Variants in SOS1 observed in about 807,000 individuals in gnomAD.
SOS1 encodes the protein SOS Ras/Rac guanine nucleotide exchange factor 1, also known as son of sevenless homolog 1.
A neutral mutation model predicts 157.6 loss-of-function variants in SOS1; 25 were observed. The observed-to-expected ratio is 0.16, with a 90% CI of 0.12 to 0.22. The LOEUF (loss-of-function observed/expected upper bound fraction) is 0.22, where lower values mean the gene tolerates loss of function less well. SOS1 is among the 10% of genes least tolerant of loss of function. SOS1 has a pLI of 1.00. For missense variants in SOS1, 1,237 were observed against 1,599.1 expected, an observed-to-expected ratio of 0.77 and a Z score of 3.86; for synonymous variants, 528 against 534.0, an observed-to-expected ratio of 0.99 and a Z score of 0.16.
At position 39,067,130 on chromosome 2, in the gene SOS1, CG is replaced by C. The variant is rs759252110; in HGVS notation, c.213+497del. Among the ~76,000 whole-genome samples, 33 of 152,256 alleles carry C rather than the reference CG, an allele frequency of 2.2e-4. 1 individual carries two copies. The South Asian group carries it at 6.8e-3, about 32-fold the overall frequency. ...GGCTCAAGTGATCCTCCTGACTCAG[CG>C]TCCTGAGTAGCTGGGACTACAGGCA... On this transcript the variant is annotated intron_variant, in intron 2 of 22. Transcript: ENST00000402219.
At position 39,013,955 on chromosome 2, in the gene SOS1, C is replaced by T. The variant is rs768647478; in HGVS notation, c.1975G>A (p.Asp659Asn). 6.2e-7 allele frequency: 1 copy of T among 1,606,120 alleles called. No individual in the cohort carries two copies. The highest frequency in any genetic ancestry group is 8.5e-7 in the Non-Finnish European group (1 of 1,173,474). ...TCTCCATTCTCTATAGCTATGCGATCAGCTTCTGTTGGCTCAGGCTCTGGA... is the reference window on the plus strand; with the variant it reads ...TCTCCATTCTCTATAGCTATGCGATTAGCTTCTGTTGGCTCAGGCTCTGGA... Reference protein sequence around the residue: ...EIPEPEPTEADRIAIENGDQP... With the variant: ...EIPEPEPTEANRIAIENGDQP... Residue 659 changes from aspartate (D) to asparagine (N), a missense_variant, in exon 12 of 23, where the codon GAT (aspartate) becomes AAT (asparagine). Around this residue, in one of 15 missense-constraint regions of SOS1, gnomAD observed 55 missense variants for 43.1 expected, o/e 1.27. Coordinates refer to ENST00000402219, the MANE Select transcript of SOS1 (RefSeq NM_005633.4).
At chr2:39,060,339 GCA>G (rs1671356944) in intron 2 of SOS1, among the ~76,000 whole-genome samples, 1 of 152,092 alleles carries the variant, frequency 6.6e-6, no homozygotes, top group South Asian at 2.1e-4. Flanking sequence ...CTTACATACT[GCA>G]CACATACTCA....
intron 6 of SOS1, among the ~76,000 whole-genome samples, chr2:39,050,805 C>CACAAGTAATCTGACCTCAGGT (rs1670986788): frequency 1.3e-5 from 2 of 152,172 alleles, no homozygotes; most frequent in Non-Finnish European, 2.9e-5. Flanking sequence ...TAGACTGGAA[C>CACAAGTAATCTGACCTCAGGT]ACAAGTAATC....
chr2:39,095,035 G>A (rs1672721530), intron 1 of SOS1, among the ~76,000 whole-genome samples: 1 of 152,140 alleles, frequency 6.6e-6, no homozygotes, highest in African/African-American at 2.4e-5. Flanking sequence ...GGTGTCCTCA[G>A]TCTCCAGTTC....
chr2:39,092,448 T>A (rs1026585477), intron 1 of SOS1, among the ~76,000 whole-genome samples: 12 of 152,250 alleles, frequency 7.9e-5, no homozygotes, highest in Non-Finnish European at 4.4e-5. Flanking sequence ...GAGGCTGTCC[T>A]CGACCATTAT....
At chr2:39,115,932 CT>C (rs1673633951) in intron 1 of SOS1, among the ~76,000 whole-genome samples, 2 of 152,116 alleles carry the variant, frequency 1.3e-5, no homozygotes, top group African/African-American at 4.8e-5. Context: ...AGTTCCAAAT[CT>C]GCTTCATCAG....
intron 2 of SOS1, among the ~76,000 whole-genome samples, chr2:39,063,396 T>A (rs1036899693): frequency 6.6e-6 from 1 of 152,226 alleles, no homozygotes; most frequent in African/African-American, 2.4e-5. Context: ...TATAAGGGAC[T>A]TAAGCATCCA....
chr2:39,061,167 GT>G (rs1363604834), intron 2 of SOS1, among the ~76,000 whole-genome samples: 6 of 150,484 alleles, frequency 4.0e-5, no homozygotes, highest in Admixed American at 6.6e-5. Context: ...ACTTACAAGG[GT>G]ATTAATGAAA....
intron 1 of SOS1, among the ~76,000 whole-genome samples, chr2:39,107,107 G>GT (rs1558516738): frequency 2.6e-5 from 4 of 151,736 alleles, no homozygotes; most frequent in African/African-American, 9.7e-5. Flanking sequence ...AAATACAGGG[G>GT]TTTTTTGGGA....
intron 6 of SOS1, among the ~76,000 whole-genome samples, chr2:39,042,070 A>G (rs1410488826): frequency 6.6e-6 from 1 of 152,038 alleles, no homozygotes; most frequent in Non-Finnish European, 1.5e-5. Flanking sequence ...CTGTTCTGCT[A>G]CCTAATTGTT....
intron 19 of SOS1, among the ~76,000 whole-genome samples, chr2:38,995,669 T>A (rs1464077902): frequency 1.3e-5 from 2 of 152,200 alleles, no homozygotes; most frequent in African/African-American, 4.8e-5. Flanking sequence ...GGTAGAAGTT[T>A]TTCTAAAATG....
chr2:39,013,989 C>T lies in SOS1; in HGVS notation c.1941G>A (p.Arg647=), dbSNP rs1239676596. Residue 647 remains arginine (R), a splice_region_variant and synonymous_variant, in exon 12 of 23, where the codon AGG becomes AGA. Coordinates refer to ENST00000402219, the MANE Select transcript of SOS1 (RefSeq NM_005633.4). ...PQELLSLIIE[R]FEIPEPEPTE... ...TTGGCTCAGGCTCTGGAATTTCAAA[C>T]CTAACATAAAATAGAACAAATTAAT... 1 of 1,600,136 alleles carries T rather than the reference C, an allele frequency of 6.2e-7. No homozygotes were observed. The highest frequency in any genetic ancestry group is 1.1e-5 in the South Asian group (1 of 90,790).
chr2:39,012,077 AG>A, intron 14 of SOS1, 48 bp downstream of exon 14: 1 of 1,312,976 alleles, frequency 7.6e-7, no homozygotes, highest in Non-Finnish European at 1.1e-6. Context: ...TCATTTTAAA[AG>A]TTAACTCTTT....
intron 1 of SOS1, among the ~76,000 whole-genome samples, chr2:39,087,764 CTCCTCCCAGGATCAAGAGG>C (rs1174342392): frequency 3.3e-5 from 5 of 152,094 alleles, no homozygotes; most frequent in African/African-American, 4.8e-5. Flanking sequence ...TGCCTCCCCT[CTCCTCCCAGGATCAAGAGG>C]TCCTCCCACC....
chr2:39,035,137 A>C (rs1215534023), intron 8 of SOS1, 75 bp downstream of exon 8: 14 of 932,648 alleles, frequency 1.5e-5, no homozygotes, highest in Non-Finnish European at 2.1e-5. Flanking sequence ...CTCACACAAT[A>C]ATTTACAAAT....
chr2:39,100,602 C>T (rs1417437871), intron 1 of SOS1, among the ~76,000 whole-genome samples: 1 of 152,056 alleles, frequency 6.6e-6, no homozygotes, highest in Non-Finnish European at 1.5e-5. Flanking sequence ...TGGAAATCTG[C>T]AAAAAGTCTA....
At chr2:39,124,108 G>A (rs974444760), upstream of SOS1, 1 of 152,292 alleles carries the variant, frequency 6.6e-6, no homozygotes, top group African/African-American at 2.4e-5. Flanking sequence ...GGAGTGCCAG[G>A]GTCAGCCCCG....
chr2:39,058,045 A>G (rs539482083), intron 3 of SOS1, among the ~76,000 whole-genome samples: 37 of 152,264 alleles, frequency 2.4e-4, no homozygotes, highest in African/African-American at 8.9e-4. Flanking sequence ...TGTCTGTATT[A>G]TAGTATGTAC....
chr2:39,039,985 G>A lies in SOS1; in HGVS notation c.865-4485C>T, dbSNP rs148268656. On this transcript the variant is annotated intron_variant, in intron 6 of 22. Transcript: ENST00000402219. ...ATTTTCAAAGTTCATCCATGTTGTA[G>A]CATGTTTCAACACCCCCTTTTATTT... Among the ~76,000 whole-genome samples, 1,124 of 152,118 alleles carry A rather than the reference G, an allele frequency of 7.4e-3. 6 individuals carry two copies. Among genetic ancestry groups the A allele is most frequent in the Non-Finnish European group, 0.011 (766 of 67,962 alleles).
Sources: gnomAD v4.1 joint callset for allele counts (sites outside exome capture counted in the v4.1 genomes callset) on GRCh38, gnomAD v4.1.1 for gene constraint, gnomAD v4.1.1 regional missense constraint, MANE v1.5 for transcripts, NCBI Gene and HGNC (gene_info 2026-07-23, HGNC 2026-07-21) for gene names.